STARD6: variants seen among roughly 807,000 people sequenced by gnomAD.
STARD6 encodes the protein stAR-related lipid transfer protein 6.
STARD6 carries 21 observed loss-of-function variants against 22.3 expected under a neutral mutation model. That is an observed-to-expected ratio of 0.94 (90% CI 0.67 to 1.35). The LOEUF (loss-of-function observed/expected upper bound fraction) is 1.35. Among genes scored for constraint, STARD6 ranks in the 40% most tolerant of loss-of-function variants. STARD6 has a pLI of 0.00. For missense variants in STARD6, 269 were observed against 266.9 expected, an observed-to-expected ratio of 1.01 and a Z score of -0.05; for synonymous variants, 80 against 88.1, an observed-to-expected ratio of 0.91 and a Z score of 0.52.
chr18:54,347,742 A>T (rs530181161), intron 4 of STARD6, among the ~76,000 whole-genome samples: 5 of 152,120 alleles, frequency 3.3e-5, no homozygotes, highest in Admixed American at 2.0e-4. Flanking sequence ...TCTACACATT[A>T]TGTAGAACCA....
Position 54,331,723 on chromosome 18 carries a change from G to T in STARD6, c.385+19C>A. ...GGCTCGCAGTAATTCCAAGATATGGGCAAAATGTTTCAACTTACAACTGAT... is the reference window on the plus strand; with the variant it reads ...GGCTCGCAGTAATTCCAAGATATGGTCAAAATGTTTCAACTTACAACTGAT... On this transcript the variant is annotated intron_variant, in intron 6 of 7. Transcript: ENST00000307844. 6.5e-7 allele frequency: 1 copy of T among 1,549,248 alleles called. No homozygotes were observed. Among genetic ancestry groups the T allele is most frequent in the African/African-American group, 1.4e-5 (1 of 73,754 alleles).
intron 6 of STARD6, among the ~76,000 whole-genome samples, chr18:54,330,661 A>G (rs1441040659): frequency 6.6e-6 from 1 of 152,066 alleles, no homozygotes. Context: ...TTCAATGGAA[A>G]CTTTTAAAAG....
intron 4 of STARD6, among the ~76,000 whole-genome samples, chr18:54,350,116 T>A (rs900606919): frequency 6.6e-6 from 1 of 152,212 alleles, no homozygotes; most frequent in Non-Finnish European, 1.5e-5. Flanking sequence ...GTAAAAGTGT[T>A]CCCTTTTCAC....
At chr18:54,334,219 A>C (rs2088889885) in intron 5 of STARD6, among the ~76,000 whole-genome samples, 1 of 152,046 alleles carries the variant, frequency 6.6e-6, no homozygotes. Flanking sequence ...CACGTCTACC[A>C]CCCTTGCACA....
intron 4 of STARD6, among the ~76,000 whole-genome samples, chr18:54,346,680 A>C (rs1205325266): frequency 6.6e-6 from 1 of 152,150 alleles, no homozygotes; most frequent in African/African-American, 2.4e-5. Context: ...ACGAATAGAT[A>C]AAATGTGGCA....
chr18:54,341,804 A>G (rs2088971581), intron 4 of STARD6, among the ~76,000 whole-genome samples: 1 of 152,198 alleles, frequency 6.6e-6, no homozygotes, highest in South Asian at 2.1e-4. Flanking sequence ...GTAAATGTCT[A>G]TATTTTTTAA....
chr18:54,354,640 A>G lies in STARD6; in HGVS notation c.-4-63T>C, dbSNP rs570803786. ...ACCATATAAAAACTTAAAAAGTGCT[A>G]TCTTACATTTTAATATTATTTCTAT... On this transcript the variant is annotated intron_variant, in intron 2 of 7. Transcript: ENST00000307844. The G allele has an allele frequency of 5.2e-5, 59 of 1,142,942 alleles. No individual in the cohort carries two copies. In the African/African-American group the frequency reaches 8.9e-4, roughly 17 times the overall value. The allele number at this position is 1,142,942 out of a possible 1,614,324, so 70.8% of individuals were successfully genotyped here. A position where few individuals can be genotyped will look rare whatever the true frequency, so the allele number is the denominator to read the frequency against.
chr18:54,342,645 T>C (rs1329470373), intron 4 of STARD6, among the ~76,000 whole-genome samples: 2 of 116,578 alleles, frequency 1.7e-5, no homozygotes, highest in East Asian at 4.6e-4. Flanking sequence ...CTGGTTTTGG[T>C]GGAGACGGGG....
chr18:54,325,867 A>C (rs1210611295), intron 7 of STARD6, among the ~76,000 whole-genome samples: 1 of 152,042 alleles, frequency 6.6e-6, no homozygotes, highest in Non-Finnish European at 1.5e-5. Flanking sequence ...CACTTTTATA[A>C]ATACTTATAA....
chr18:54,354,859 C>A (rs1345871783), intron 2 of STARD6, among the ~76,000 whole-genome samples: 5 of 152,096 alleles, frequency 3.3e-5, no homozygotes, highest in Admixed American at 3.3e-4. Context: ...TTCTGTTTTT[C>A]CATTTCTCTC....
chr18:54,332,068 T>C (rs925583001), intron 5 of STARD6, among the ~76,000 whole-genome samples: 10 of 152,196 alleles, frequency 6.6e-5, no homozygotes, highest in Non-Finnish European at 1.3e-4. Context: ...AGAAGCAATC[T>C]TGATATCATC....
chr18:54,332,532 C>T (rs2088873814), intron 5 of STARD6, among the ~76,000 whole-genome samples: 1 of 152,228 alleles, frequency 6.6e-6, no homozygotes, highest in African/African-American at 2.4e-5. Context: ...ACCCTGTTGA[C>T]ACAAAGGCTA....
intron 5 of STARD6, among the ~76,000 whole-genome samples, chr18:54,332,185 C>T (rs1174242693): frequency 6.6e-6 from 1 of 152,150 alleles, no homozygotes; most frequent in East Asian, 1.9e-4. Flanking sequence ...ATTCCCCATA[C>T]AGTACTATTT....
intron 5 of STARD6, among the ~76,000 whole-genome samples, chr18:54,334,934 C>T (rs1346838090): frequency 6.6e-6 from 1 of 152,018 alleles, no homozygotes; most frequent in African/African-American, 2.4e-5. Flanking sequence ...ATGGAGTTCA[C>T]AATAGTTGCT....
intron 4 of STARD6, among the ~76,000 whole-genome samples, chr18:54,342,377 G>C (rs1435651558): frequency 6.6e-6 from 1 of 151,476 alleles, no homozygotes; most frequent in East Asian, 1.9e-4. Context: ...CCAAATTTTA[G>C]CTTGATATCA....
intron 4 of STARD6, among the ~76,000 whole-genome samples, chr18:54,346,609 A>C (rs574921134): frequency 3.3e-5 from 5 of 152,158 alleles, no homozygotes; most frequent in Non-Finnish European, 7.4e-5. Context: ...ATTTGTACAC[A>C]AATTTCATAA....
chr18:54,339,039 T>G (rs562493692), intron 4 of STARD6, among the ~76,000 whole-genome samples: 2 of 53,826 alleles, frequency 3.7e-5, no homozygotes, highest in Admixed American at 7.2e-4. Context: ...AGAGTGAGAC[T>G]CCATCAAAAA....
intron 4 of STARD6, among the ~76,000 whole-genome samples, chr18:54,347,594 A>T (rs1212317466): frequency 6.6e-6 from 1 of 152,134 alleles, no homozygotes; most frequent in African/African-American, 2.4e-5. Flanking sequence ...CAGAGTTTGA[A>T]CAACGCTTTC....
intron 5 of STARD6, 105 bp downstream of exon 5, chr18:54,337,020 A>G (rs2088920628): frequency 9.6e-7 from 1 of 1,036,646 alleles, no homozygotes; most frequent in Non-Finnish European, 1.3e-6. Flanking sequence ...TCAATTTGAA[A>G]CTATAAAATA....
Sources: allele counts gnomAD v4.1 joint callset (sites outside exome capture counted in the v4.1 genomes callset), GRCh38; gene constraint gnomAD v4.1.1; transcripts MANE v1.5; gene names NCBI Gene and HGNC (gene_info 2026-07-23, HGNC 2026-07-21).